ODAD2: variants seen among roughly 807,000 people sequenced by gnomAD.
The protein encoded by ODAD2 is outer dynein arm docking complex subunit 2.
ODAD2 carries 89 observed loss-of-function variants against 106.8 expected under a neutral mutation model. The observed-to-expected ratio is 0.83, with a 90% CI of 0.70 to 0.99. The LOEUF (loss-of-function observed/expected upper bound fraction) is 0.99, where lower values mean the gene tolerates loss of function less well. Ranked by LOEUF, ODAD2 falls within the 50% of genes least tolerant of loss-of-function variation. The pLI, the probability that ODAD2 is intolerant of heterozygous loss-of-function variation, is 0.00. For synonymous variants in ODAD2, 404 were observed against 436.2 expected, an observed-to-expected ratio of 0.93 and a Z score of 0.92; for missense variants, 1,168 against 1,238.5, an observed-to-expected ratio of 0.94 and a Z score of 0.85.
At chr10:27,815,796 C>T (rs1836085677) in intron 19 of ODAD2, among the ~76,000 whole-genome samples, 1 of 152,144 alleles carries the variant, frequency 6.6e-6, no homozygotes, top group African/African-American at 2.4e-5. Context: ...ATTCAAATGG[C>T]ATTCATATGG....
At chr10:27,922,178 C>G (rs867470642) in intron 16 of ODAD2, among the ~76,000 whole-genome samples, 6 of 143,462 alleles carry the variant, frequency 4.2e-5, no homozygotes, top group Non-Finnish European at 7.7e-5. Flanking sequence ...AGAAAGAAAA[C>G]AAAAGAAAAA....
intron 17 of ODAD2, among the ~76,000 whole-genome samples, chr10:27,900,289 C>T (rs542562151): frequency 2.0e-5 from 3 of 152,154 alleles, no homozygotes; most frequent in African/African-American, 7.2e-5. Context: ...AAAAGGACGT[C>T]CACAAAAAAT....
At chr10:27,995,457 A>T (rs766901849) in intron 1 of ODAD2, among the ~76,000 whole-genome samples, 1 of 152,176 alleles carries the variant, frequency 6.6e-6, no homozygotes, top group Non-Finnish European at 1.5e-5. Context: ...ATTCAAACAG[A>T]TAGGCATAAA....
At chr10:27,893,694 C>T (rs1202535030) in intron 17 of ODAD2, among the ~76,000 whole-genome samples, 1 of 152,166 alleles carries the variant, frequency 6.6e-6, no homozygotes, top group Non-Finnish European at 1.5e-5. Flanking sequence ...GAAAGCTGAG[C>T]CATTAACTTA....
intron 1 of ODAD2, among the ~76,000 whole-genome samples, chr10:27,998,703 G>A (rs113642183): frequency 1.3e-5 from 2 of 152,252 alleles, no homozygotes; most frequent in African/African-American, 4.8e-5. Context: ...AGGCGAGAGC[G>A]GCAGCGGCGG....
chr10:27,924,025 G>GAAAGAAA lies in ODAD2; in HGVS notation c.2495+10984_2495+10985insTTTCTTT, dbSNP rs1564509522. Among the ~76,000 whole-genome samples the GAAAGAAA allele has an allele frequency of 1.2e-3, 71 of 59,964 alleles. 3 individuals carry two copies. Among genetic ancestry groups the GAAAGAAA allele is most frequent in the Non-Finnish European group, 1.5e-3 (42 of 28,812 alleles). 39.3% of individuals were successfully genotyped at this position (59,964 alleles called of 152,430 possible). ...AAGAAAGAAAGAAAGAAAGAAAGAA[G>GAAAGAAA]GAAAGAGAAAGAAAGAAGGAAAGAG... On this transcript the variant is annotated intron_variant, in intron 16 of 19. Coordinates refer to ENST00000305242, the MANE Select transcript of ODAD2 (RefSeq NM_018076.5).
intron 2 of ODAD2, among the ~76,000 whole-genome samples, chr10:27,993,476 C>A (rs1450269844): frequency 6.6e-6 from 1 of 151,836 alleles, no homozygotes; most frequent in African/African-American, 2.4e-5. Context: ...ATGGGGAAAC[C>A]CCGTCTCTAC....
intron 17 of ODAD2, among the ~76,000 whole-genome samples, chr10:27,863,454 T>C (rs1840216950): frequency 6.6e-6 from 1 of 152,146 alleles, no homozygotes; most frequent in African/African-American, 2.4e-5. Context: ...ATTTTTCACT[T>C]CTCTGTGCAT....
intron 7 of ODAD2, among the ~76,000 whole-genome samples, chr10:27,980,392 T>C (rs1431910698): frequency 1.3e-5 from 2 of 152,144 alleles, no homozygotes; most frequent in African/African-American, 2.4e-5. Context: ...AAGAAAGTTA[T>C]AAGGCAACCT....
At chr10:27,876,962 T>G (rs1841382020) in intron 17 of ODAD2, among the ~76,000 whole-genome samples, 1 of 152,172 alleles carries the variant, frequency 6.6e-6, no homozygotes, top group African/African-American at 2.4e-5. Context: ...ATTCTTGAGC[T>G]CTTCCAGGAC....
At chr10:27,950,456 T>C (rs1269438938) in intron 10 of ODAD2, among the ~76,000 whole-genome samples, 1 of 152,208 alleles carries the variant, frequency 6.6e-6, no homozygotes, top group Non-Finnish European at 1.5e-5. Flanking sequence ...GAGAATACTG[T>C]TTCCCGAAGA....
intron 10 of ODAD2, among the ~76,000 whole-genome samples, chr10:27,948,500 T>A (rs1590109247): frequency 6.6e-6 from 1 of 152,220 alleles, no homozygotes; most frequent in East Asian, 1.9e-4. Context: ...AATATCGAAC[T>A]GAGAAGAAAC....
chr10:27,858,737 T>C (rs1839830560), intron 19 of ODAD2, among the ~76,000 whole-genome samples: 2 of 151,948 alleles, frequency 1.3e-5, no homozygotes, highest in Admixed American at 1.3e-4. Flanking sequence ...TCAGAAGAAA[T>C]AATTGCGAGT....
At chr10:27,971,432 C>T (rs1848854658) in intron 7 of ODAD2, 119 bp from the exon 8 acceptor site, 1 of 811,810 alleles carries the variant, frequency 1.2e-6, no homozygotes, top group Non-Finnish European at 1.9e-6. Flanking sequence ...ACTTGTGGTC[C>T]TTAGTAACAG....
At position 27,944,237 on chromosome 10, in the gene ODAD2, C is replaced by CCCGTGCTGCCTCACCACCCG. The variant is rs764467270; in HGVS notation, c.1708_1727dup (p.Ile578TrpfsTer2). 1 of 1,612,532 alleles carries CCCGTGCTGCCTCACCACCCG rather than the reference C, an allele frequency of 6.2e-7. No homozygotes were observed. The highest frequency in any genetic ancestry group is 8.5e-7 in the Non-Finnish European group (1 of 1,179,798). On this transcript the variant is annotated stop_gained and frameshift_variant, in exon 12 of 20. Coordinates refer to ENST00000305242, the MANE Select transcript of ODAD2 (RefSeq NM_018076.5). LOFTEE classifies it high-confidence loss of function. ...GGCTACTCACCAGTTTGGTGATACC[C>CCCGTGCTGCCTCACCACCCG]CCGTGCTGCCTCACCACCCGCCGTG...
At chr10:27,972,107 T>C (rs556735741) in intron 7 of ODAD2, among the ~76,000 whole-genome samples, 7 of 152,290 alleles carry the variant, frequency 4.6e-5, no homozygotes, top group Non-Finnish European at 7.4e-5. Flanking sequence ...GTTTATGACA[T>C]GTAGAAATAA....
intron 12 of ODAD2, among the ~76,000 whole-genome samples, chr10:27,943,795 C>CAAAAAAAAAAAAAAA (rs56059926): frequency 1.7e-5 from 1 of 58,624 alleles, no homozygotes; most frequent in African/African-American, 7.7e-5. Flanking sequence ...GGCTCTGTCT[C>CAAAAAAAAAAAAAAA]AAAAAAAAAA....
In ODAD2 at chr10:27,995,003, T is replaced by G. The variant is rs1159635723; in HGVS notation, c.140A>C (p.Gln47Pro). Reference protein sequence around the residue: ...FVESFIYKHPQEAKFVFVEPL... With the variant: ...FVESFIYKHPPEAKFVFVEPL... ...TTCCACAAAAACAAATTTTGCCTCT[T>G]GAGGATGTTTATAGATAAAACTCTC... The change falls in exon 2 of 20, where the codon CAA becomes CCA. Residue 47 changes from glutamine to proline, a missense_variant. Transcript: ENST00000305242. 8 of 1,614,228 alleles carry G rather than the reference T, an allele frequency of 5.0e-6. No individual in the cohort carries two copies. Among genetic ancestry groups the G allele is most frequent in the Non-Finnish European group, 6.8e-6 (8 of 1,180,034 alleles).
At chr10:27,904,358 G>A (rs958336717) in intron 17 of ODAD2, 15 of 254,472 alleles carry the variant, frequency 5.9e-5, no homozygotes, top group Non-Finnish European at 9.8e-5. Flanking sequence ...GGAATCTTGG[G>A]CTGAGTACTC....
Sources: allele counts gnomAD v4.1 joint callset (sites outside exome capture counted in the v4.1 genomes callset), GRCh38; gene constraint gnomAD v4.1.1; transcripts MANE v1.5; gene names NCBI Gene and HGNC (gene_info 2026-07-23, HGNC 2026-07-21).